The following EPS8 variants were observed in gnomAD, a reference collection of about 807,000 sequenced individuals.
The protein encoded by EPS8 is epidermal growth factor receptor kinase substrate 8.
In EPS8, 42 loss-of-function variants were observed where a neutral mutation model predicts 103.8. The ratio of observed to expected loss-of-function variants is 0.40; its 90% CI spans 0.32 to 0.52. EPS8 has a LOEUF of 0.52. Ranked by LOEUF, EPS8 falls within the 20% of genes least tolerant of loss-of-function variation. EPS8 has a pLI of 0.40. For synonymous variants in EPS8, 344 were observed against 344.6 expected, an observed-to-expected ratio of 1.00 and a Z score of 0.02; for missense variants, 969 against 1,005.1, an observed-to-expected ratio of 0.96 and a Z score of 0.49.
intron 1 of EPS8, among the ~76,000 whole-genome samples, chr12:15,766,472 T>C (rs1299137976): frequency 1.4e-5 from 2 of 144,340 alleles, no homozygotes; most frequent in East Asian, 4.1e-4. Flanking sequence ...CACTCCAGCC[T>C]GGTGACAGAG....
chr12:15,715,972 C>A (rs1946529615), intron 1 of EPS8, among the ~76,000 whole-genome samples: 1 of 151,178 alleles, frequency 6.6e-6, no homozygotes, highest in Admixed American at 6.6e-5. Flanking sequence ...GAGAGAACAG[C>A]AGAAAGTACT....
chr12:15,631,401 T>C (rs767061460), intron 18 of EPS8, 41 bp downstream of exon 18: 4 of 1,612,470 alleles, frequency 2.5e-6, no homozygotes, highest in Non-Finnish European at 3.4e-6. Context: ...GTAGTGCTTT[T>C]AATTTGCAGA....
At chr12:15,645,713 T>C (rs868803796) in intron 15 of EPS8, among the ~76,000 whole-genome samples, 2 of 152,118 alleles carry the variant, frequency 1.3e-5, no homozygotes, top group African/African-American at 2.4e-5. Flanking sequence ...GACAGGGAAG[T>C]AGTGACTCTG....
Position 15,693,075 on chromosome 12 carries a change from G to A in EPS8, c.-21-10103C>T, listed in dbSNP as rs1410013592. ...ATTGAAGATGAAGCCCTAAAAAGGT[G>A]GCAAGAAAGTCAGTGTCCATGGGTG... is the stretch of plus-strand genomic sequence containing the variant. On this transcript the variant is annotated intron_variant, in intron 1 of 20. Coordinates refer to ENST00000281172, the MANE Select transcript of EPS8 (RefSeq NM_004447.6). This position sits in a 1 kb window ranked among gnomAD's most constrained non-coding sequence, Gnocchi z 5.6. 2.0e-5 allele frequency among the ~76,000 whole-genome samples: 3 copies of A among 152,146 alleles called. No homozygotes were observed. Among genetic ancestry groups the A allele is most frequent in the Non-Finnish European group, 4.4e-5 (3 of 68,014 alleles).
At chr12:15,621,706 G>C (rs1944865054) in intron 20 of EPS8, among the ~76,000 whole-genome samples, 1 of 152,142 alleles carries the variant, frequency 6.6e-6, no homozygotes, top group Non-Finnish European at 1.5e-5. Context: ...AGTACTCTAG[G>C]TTTGCTGAGA....
At chr12:15,770,440 A>C (rs1397877627) in intron 1 of EPS8, among the ~76,000 whole-genome samples, 3 of 152,096 alleles carry the variant, frequency 2.0e-5, no homozygotes, top group African/African-American at 7.2e-5. Context: ...TTTTGGGTTT[A>C]GTTCATGAAA....
At chr12:15,671,318 T>G (rs1208250643) in intron 3 of EPS8, among the ~76,000 whole-genome samples, 1 of 152,138 alleles carries the variant, frequency 6.6e-6, no homozygotes, top group Non-Finnish European at 1.5e-5. Context: ...GCAAATATTG[T>G]CATAGATACT....
Position 15,734,557 on chromosome 12 carries a change from G to T in EPS8, c.-21-51585C>A, listed in dbSNP as rs1053975464. On this transcript the variant is annotated intron_variant, in intron 1 of 20. Coordinates refer to ENST00000281172, the MANE Select transcript of EPS8 (RefSeq NM_004447.6). The surrounding 1 kb of genome is among the most constrained non-coding windows in gnomAD (Gnocchi z 4.1). The stretch of plus-strand genomic sequence containing the variant: ...AAAATACAAAGAATTAGCCGGGCAT[G>T]GTGGTGGGCGCCTGTGGTCCCAGCT... Among the ~76,000 whole-genome samples, 7 of 152,074 alleles carry T rather than the reference G, an allele frequency of 4.6e-5. No homozygotes were observed. Among genetic ancestry groups the T allele is most frequent in the Non-Finnish European group, 1.0e-4 (7 of 68,020 alleles).
intron 18 of EPS8, among the ~76,000 whole-genome samples, chr12:15,629,783 T>G (rs1442862931): frequency 6.6e-6 from 1 of 152,204 alleles, no homozygotes; most frequent in Non-Finnish European, 1.5e-5. Flanking sequence ...ACCAGAATTT[T>G]TAGAATTGTT....
chr12:15,729,105 G>T (rs980827508), intron 1 of EPS8, among the ~76,000 whole-genome samples: 6 of 152,120 alleles, frequency 3.9e-5, no homozygotes, highest in Non-Finnish European at 2.9e-5. Flanking sequence ...TTGAAGAGAT[G>T]TCCGATGTAA....
At position 15,681,246 on chromosome 12, in the gene EPS8, GT is replaced by G; in HGVS notation, c.115del (p.Thr39GlnfsTer32). On this transcript the variant is annotated frameshift_variant, in exon 3 of 21. Transcript: ENST00000281172. LOFTEE classifies it high-confidence loss of function. The stretch of plus-strand genomic sequence containing the variant: ...CCTACCATAAAGGGCCTTTGCACTT[GT>G]TTTTGAACCATGTTCTCTGTCCGTC... ...SQTDREHGSK[T>X]SAKALYEQRK... is the part of the protein sequence containing the mutation. 6.4e-7 allele frequency: 1 copy of G among 1,570,056 alleles called. No individual in the cohort carries two copies. Among genetic ancestry groups the G allele is most frequent in the Admixed American group, 1.8e-5 (1 of 57,120 alleles).
chr12:15,621,151 T>C lies in EPS8; in HGVS notation c.*166A>G. ...ATTTTTTCAGTTTTAATAAAAATAA[T>C]GGGCCTAGAAGCAAATCCTGTGCTC... On this transcript the variant is annotated 3_prime_UTR_variant, in exon 21 of 21. Transcript: ENST00000281172. 1 of 436,118 alleles carries C rather than the reference T, an allele frequency of 2.3e-6. No homozygotes were observed. Among genetic ancestry groups the C allele is most frequent in the East Asian group, 3.6e-5 (1 of 27,758 alleles). The allele number at this position is 436,118 out of a possible 1,614,324, so 27.0% of individuals were successfully genotyped here. A position where few individuals can be genotyped will look rare whatever the true frequency, so the allele number is the denominator to read the frequency against.
Position 15,721,924 on chromosome 12 carries a change from T to C in EPS8, c.-21-38952A>G, listed in dbSNP as rs11056603. The stretch of plus-strand genomic sequence containing the variant: ...AGTCATCCTGCTAGCCAGAGACAAA[T>C]GCTTTCACATTTTATAAATTTTTCT... On this transcript the variant is annotated intron_variant, in intron 1 of 20. Coordinates refer to ENST00000281172, the MANE Select transcript of EPS8 (RefSeq NM_004447.6). The surrounding 1 kb of genome is among the most constrained non-coding windows in gnomAD (Gnocchi z 4.4). Among the ~76,000 whole-genome samples, 624 of 151,914 alleles carry C rather than the reference T, an allele frequency of 4.1e-3. 6 individuals are homozygous for C. Among genetic ancestry groups the C allele is most frequent in the East Asian group, 0.031 (159 of 5,186 alleles).
At chr12:15,625,503 T>C (rs140711983) in intron 18 of EPS8, among the ~76,000 whole-genome samples, 3 of 152,252 alleles carry the variant, frequency 2.0e-5, no homozygotes, top group African/African-American at 7.2e-5. Flanking sequence ...TGGACTCCAA[T>C]TCCCATTCTC....
chr12:15,646,119 T>C (rs543355166), intron 15 of EPS8, among the ~76,000 whole-genome samples: 2 of 152,128 alleles, frequency 1.3e-5, no homozygotes, highest in East Asian at 1.9e-4. Flanking sequence ...CATTCTCATA[T>C]GTTGGCATTT....
Position 15,630,204 on chromosome 12 carries a change from T to TCACACACA in EPS8, c.2044+1230_2044+1237dup, listed in dbSNP as rs58598084. 9.9e-4 allele frequency among the ~76,000 whole-genome samples: 148 copies of TCACACACA among 148,990 alleles called. 1 individual carries two copies. The highest frequency in any genetic ancestry group is 4.9e-3 in the East Asian group (25 of 5,082). On this transcript the variant is annotated intron_variant, in intron 18 of 20. Coordinates refer to ENST00000281172, the MANE Select transcript of EPS8 (RefSeq NM_004447.6). ...CTCTGTCTCTCTATCTCTCTCTCAC[T>TCACACACA]CACACACACACACACACACACATAC...
intron 20 of EPS8, 46 bp from the exon 21 acceptor site, chr12:15,621,476 G>T: frequency 9.5e-7 from 1 of 1,056,656 alleles, no homozygotes; most frequent in Non-Finnish European, 1.4e-6. Context: ...ACTTGTGCAG[G>T]CTGCAGGTCA....
intron 1 of EPS8, among the ~76,000 whole-genome samples, chr12:15,729,972 T>G (rs1441691507): frequency 6.6e-6 from 1 of 152,182 alleles, no homozygotes; most frequent in Non-Finnish European, 1.5e-5. Flanking sequence ...CATTTTGATT[T>G]AACTATTCAC....
In EPS8 at chr12:15,717,190, C is replaced by A. The variant is rs1823113416; in HGVS notation, c.-21-34218G>T. 2.6e-5 allele frequency among the ~76,000 whole-genome samples: 4 copies of A among 152,230 alleles called. No individual in the cohort carries two copies. The South Asian group carries it at 8.3e-4, about 32-fold the overall frequency. On this transcript the variant is annotated intron_variant, in intron 1 of 20. Coordinates refer to ENST00000281172, the MANE Select transcript of EPS8 (RefSeq NM_004447.6). The surrounding 1 kb of genome is among the most constrained non-coding windows in gnomAD (Gnocchi z 4.3). ...AATTATAGTCATGCAAAAGGACAAA[C>A]ATGCCTGGCATGTAAATGATGGGAA...
Sources: gnomAD v4.1 joint callset for allele counts (sites outside exome capture counted in the v4.1 genomes callset) on GRCh38, gnomAD v4.1.1 for gene constraint, Gnocchi (gnomAD v3.1) non-coding constraint, MANE v1.5 for transcripts, NCBI Gene and HGNC (gene_info 2026-07-23, HGNC 2026-07-21) for gene names.